CEP83: variants seen among roughly 807,000 people sequenced by gnomAD.
CEP83 encodes centrosomal protein 83.
Under a neutral mutation model 101.9 loss-of-function variants are expected in CEP83, and 70 were observed. The ratio of observed to expected loss-of-function variants is 0.69; its 90% confidence interval spans 0.57 to 0.84. The LOEUF is 0.84. Ranked by LOEUF, CEP83 falls within the 40% of genes least tolerant of loss-of-function variation. The pLI, the probability that CEP83 is intolerant of heterozygous loss-of-function variation, is 0.00. For missense variants in CEP83, 715 were observed against 787.2 expected (o/e 0.91, Z 1.10); for synonymous variants, 264 against 267.9 (o/e 0.99, Z 0.14).
intron 11 of CEP83, among the ~76,000 whole-genome samples, chr12:94,355,611 GCCA>G (rs1185013308): frequency 6.6e-6 from 1 of 152,004 alleles, no homozygotes; most frequent in East Asian, 2.0e-4. Flanking sequence ...CCAAAGTCTG[GCCA>G]TAAACTGGCC....
intron 15 of CEP83, among the ~76,000 whole-genome samples, chr12:94,312,046 C>A (rs1324889895): frequency 1.3e-5 from 2 of 151,716 alleles, no homozygotes; most frequent in Non-Finnish European, 2.9e-5. Context: ...CTGCACTCCA[C>A]CCTGAACCAT....
chr12:94,445,173 A>T (rs943262968), intron 1 of CEP83, among the ~76,000 whole-genome samples: 2 of 152,210 alleles, frequency 1.3e-5, no homozygotes, highest in Non-Finnish European at 2.9e-5. Context: ...AATAGAGTCA[A>T]ATAGAAACAG....
chr12:94,374,906 C>G (rs945355110), intron 8 of CEP83, among the ~76,000 whole-genome samples: 3 of 152,116 alleles, frequency 2.0e-5, no homozygotes, highest in Non-Finnish European at 2.9e-5. Context: ...TTCAGAGAGA[C>G]AGTGAACTGC....
intron 11 of CEP83, among the ~76,000 whole-genome samples, chr12:94,345,231 A>G (rs2059876645): frequency 6.6e-6 from 1 of 152,252 alleles, no homozygotes; most frequent in Non-Finnish European, 1.5e-5. Flanking sequence ...TGAAGAGAAC[A>G]CAAAAAATAC....
intron 6 of CEP83, among the ~76,000 whole-genome samples, chr12:94,391,989 G>C (rs1348931284): frequency 6.6e-6 from 1 of 152,136 alleles, no homozygotes; most frequent in East Asian, 1.9e-4. Flanking sequence ...GATTCATAAA[G>C]TAAGTCCTTA....
Position 94,368,062 on chromosome 12 carries a change from A to C in CEP83, c.1188T>G (p.Asp396Glu). The C allele has an allele frequency of 1.2e-6, 2 of 1,612,362 alleles. No individual in the cohort carries two copies. Among genetic ancestry groups the C allele is most frequent in the Non-Finnish European group, 8.5e-7 (1 of 1,179,252 alleles). ...EGYQKLVVLQ[D>E]EKLELENRLA... ...TAAGGTAATTAAGTACTTACTTTTC[A>C]TCTTGTAATACCACAAGTTTTTGAT... The change falls in exon 10 of 17, where the codon GAT becomes GAG. Residue 396 changes from aspartate (D) to glutamate (E), a missense_variant. Physicochemically the swap from Asp to Glu is conservative, Grantham distance 45. Coordinates refer to ENST00000397809, the MANE Select transcript of CEP83 (RefSeq NM_016122.3).
intron 11 of CEP83, among the ~76,000 whole-genome samples, chr12:94,353,074 G>A (rs1400616833): frequency 1.3e-5 from 2 of 151,982 alleles, no homozygotes; most frequent in Non-Finnish European, 2.9e-5. Flanking sequence ...TCAAATCAAA[G>A]AGAGAATTCT....
At chr12:94,404,315 A>C (rs186755571) in intron 4 of CEP83, among the ~76,000 whole-genome samples, 1 of 152,326 alleles carries the variant, frequency 6.6e-6, no homozygotes, top group African/African-American at 2.4e-5. Flanking sequence ...AGAAGGCATG[A>C]CACGTCAAAG....
intron 1 of CEP83, among the ~76,000 whole-genome samples, chr12:94,449,273 C>A (rs779030700): frequency 1.3e-5 from 2 of 152,044 alleles, no homozygotes; most frequent in Admixed American, 6.5e-5. Context: ...AGAAACTGAA[C>A]CAATAATTTT....
chr12:94,332,966 A>C (rs1272855996), intron 13 of CEP83, among the ~76,000 whole-genome samples: 1 of 151,276 alleles, frequency 6.6e-6, no homozygotes, highest in Non-Finnish European at 1.5e-5. Context: ...CAGAGGATAT[A>C]AGATCTTGAA....
chr12:94,271,736 A>C, the CEP83 span, among the ~76,000 whole-genome samples: 1 of 152,192 alleles, frequency 6.6e-6, no homozygotes, highest in Admixed American at 6.5e-5. Flanking sequence ...GTAGGTGCTC[A>C]TTCTTTTTTG....
intron 2 of CEP83, among the ~76,000 whole-genome samples, chr12:94,425,995 G>A (rs184791286): frequency 3.6e-4 from 55 of 151,982 alleles, no homozygotes; most frequent in African/African-American, 1.1e-3. Flanking sequence ...GGTGACAGGC[G>A]CCTGTAGTCC....
intron 11 of CEP83, among the ~76,000 whole-genome samples, chr12:94,343,644 C>T (rs888204012): frequency 9.3e-5 from 14 of 149,972 alleles, no homozygotes; most frequent in Admixed American, 3.3e-4. Flanking sequence ...CGCCCGCCAC[C>T]GCGCCCGGCT....
At chr12:94,367,538 A>G (rs2061083269) in intron 11 of CEP83, among the ~76,000 whole-genome samples, 1 of 152,174 alleles carries the variant, frequency 6.6e-6, no homozygotes, top group Admixed American at 6.5e-5. Flanking sequence ...GTTTTAGACC[A>G]GAAGAAAGAC....
chr12:94,369,351 GGCT>G (rs1315549675), intron 9 of CEP83: 1 of 152,384 alleles, frequency 6.6e-6, no homozygotes, highest in Non-Finnish European at 1.5e-5. Flanking sequence ...CTATTTGGGA[GGCT>G]GAGGCAGGAG....
the CEP83 span, chr12:94,298,615 T>C: frequency 6.4e-7 from 1 of 1,569,790 alleles, no homozygotes; most frequent in Non-Finnish European, 8.6e-7. Context: ...CCAAATCTGA[T>C]GTTGTCTATC....
At chr12:94,384,061 C>A (rs1262914787) in intron 6 of CEP83, among the ~76,000 whole-genome samples, 1 of 152,088 alleles carries the variant, frequency 6.6e-6, no homozygotes, top group African/African-American at 2.4e-5. Flanking sequence ...ATTTATCCTT[C>A]CTAATACTTT....
chr12:94,425,581 A>G (rs1236836496), intron 2 of CEP83, among the ~76,000 whole-genome samples: 1 of 152,114 alleles, frequency 6.6e-6, no homozygotes, highest in Non-Finnish European at 1.5e-5. Flanking sequence ...AACCAAACCC[A>G]TCTGTCGTGT....
intron 11 of CEP83, among the ~76,000 whole-genome samples, chr12:94,353,557 TG>T (rs929141728): frequency 1.3e-5 from 2 of 151,924 alleles, no homozygotes; most frequent in African/African-American, 4.8e-5. Flanking sequence ...ATTAACAAAA[TG>T]ACAGGACTAA....
Sources: gnomAD v4.1 joint callset for allele counts (sites outside exome capture counted in the v4.1 genomes callset) on GRCh38, gnomAD v4.1.1 for gene constraint, MANE v1.5 for transcripts, NCBI Gene and HGNC (gene_info 2026-07-23, HGNC 2026-07-21) for gene names.